SAXO1: variants seen among roughly 807,000 people sequenced by gnomAD.
The protein encoded by SAXO1 is 4930500O09Rik.
In SAXO1, 21 loss-of-function variants were observed where a neutral mutation model predicts 17.5. That is an observed-to-expected ratio of 1.20 (90% CI 0.85 to 1.72). The LOEUF (loss-of-function observed/expected upper bound fraction) is 1.72. Ranked by LOEUF, SAXO1 falls within the 40% of genes most tolerant of loss-of-function variation. The probability of loss-of-function intolerance (pLI) is 0.00; values close to 1 mark genes in which losing one functional copy is unlikely to be tolerated. For missense variants in SAXO1, 843 were observed against 596.0 expected, an observed-to-expected ratio of 1.41 and a Z score of -4.32; for synonymous variants, 274 against 216.5, an observed-to-expected ratio of 1.27 and a Z score of -2.33.
chr9:19,015,011 A>C (rs1306595504), intron 1 of SAXO1, among the ~76,000 whole-genome samples: 1 of 152,202 alleles, frequency 6.6e-6, no homozygotes, highest in Non-Finnish European at 1.5e-5. Flanking sequence ...AAGGCAAATC[A>C]GAGCTAAAAA....
intron 1 of SAXO1, among the ~76,000 whole-genome samples, chr9:18,997,530 G>T (rs1588502280): frequency 6.6e-6 from 1 of 152,248 alleles, no homozygotes; most frequent in African/African-American, 2.4e-5. Flanking sequence ...ACCTCTGGGG[G>T]CAGGGCATAT....
intron 2 of SAXO1, among the ~76,000 whole-genome samples, chr9:18,948,301 G>A (rs762365596): frequency 6.6e-6 from 1 of 152,188 alleles, no homozygotes; most frequent in Non-Finnish European, 1.5e-5. Flanking sequence ...GAACACAGAT[G>A]TCTTCTACTC....
intron 1 of SAXO1, among the ~76,000 whole-genome samples, chr9:18,975,732 G>A (rs1833121535): frequency 6.6e-6 from 1 of 152,192 alleles, no homozygotes; most frequent in Admixed American, 6.5e-5. Context: ...CAAACCCCAT[G>A]CTTTTCTCTA....
intron 1 of SAXO1, among the ~76,000 whole-genome samples, chr9:18,966,336 T>C (rs1016758807): frequency 2.6e-5 from 4 of 152,244 alleles, no homozygotes; most frequent in Non-Finnish European, 5.9e-5. Flanking sequence ...AAAAGTGTTT[T>C]CCAACTTGGT....
intron 1 of SAXO1, among the ~76,000 whole-genome samples, chr9:19,010,638 T>C (rs530671269): frequency 1.3e-5 from 2 of 152,302 alleles, no homozygotes; most frequent in Non-Finnish European, 2.9e-5. Flanking sequence ...TATAGAAATA[T>C]ATTATTTGGC....
chr9:18,986,814 G>A (rs1480985059), intron 1 of SAXO1, among the ~76,000 whole-genome samples: 1 of 152,120 alleles, frequency 6.6e-6, no homozygotes. Flanking sequence ...GACATTGTTA[G>A]GTTGTATATT....
At chr9:18,945,103 G>A (rs1200482614) in intron 2 of SAXO1, among the ~76,000 whole-genome samples, 2 of 152,108 alleles carry the variant, frequency 1.3e-5, no homozygotes, top group African/African-American at 2.4e-5. Context: ...AAGGTAAAGA[G>A]TAAAACAAGA....
chr9:18,982,893 A>C (rs1833452069), intron 1 of SAXO1, among the ~76,000 whole-genome samples: 1 of 152,206 alleles, frequency 6.6e-6, no homozygotes. Context: ...CAGGAGAAAC[A>C]AGTATTTATG....
intron 1 of SAXO1, among the ~76,000 whole-genome samples, chr9:19,046,540 TA>T (rs1196015328): frequency 1.3e-5 from 2 of 151,752 alleles, no homozygotes; most frequent in Non-Finnish European, 2.9e-5. Context: ...CCATCTCTAC[TA>T]AAAATACAAA....
Position 19,027,819 on chromosome 9 carries a change from T to C in SAXO1, c.38+5052A>G, listed in dbSNP as rs550171665. On this transcript the variant is annotated intron_variant, in intron 1 of 3. Transcript: ENST00000380534. The stretch of plus-strand genomic sequence containing the variant: ...CAGCCCAACACCCAAGTTAAGGTAA[T>C]TGCAGTCACAAACCGGGTGGACATC... 138 of 1,491,422 alleles carry C rather than the reference T, an allele frequency of 9.3e-5. No homozygotes were observed. In the African/African-American group the frequency reaches 1.3e-3, roughly 14 times the overall value. 92.4% of individuals were successfully genotyped at this position (1,491,422 alleles called of 1,614,324 possible). A position where few individuals can be genotyped will look rare whatever the true frequency, so the allele number is the denominator to read the frequency against.
intron 3 of SAXO1, among the ~76,000 whole-genome samples, chr9:18,931,253 T>A (rs1831036643): frequency 6.6e-6 from 1 of 152,238 alleles, no homozygotes. Flanking sequence ...ACATTTCATA[T>A]AAATAGAATC....
At chr9:19,027,873 G>A (rs941676032) in intron 1 of SAXO1, 1 of 1,372,654 alleles carries the variant, frequency 7.3e-7, no homozygotes, top group Non-Finnish European at 1.0e-6. Flanking sequence ...CGCTAGGGCG[G>A]CCTGGACCGC....
rs112682928 is a variant in SAXO1, at chr9:19,012,141, G to A, written c.38+20730C>T. On this transcript the variant is annotated intron_variant, in intron 1 of 3. Coordinates refer to ENST00000380534, the MANE Select transcript of SAXO1 (RefSeq NM_153707.4). The stretch of plus-strand genomic sequence containing the variant: ...TTACAGGCGTGAGCCACCACGCCCG[G>A]CAAGGATAGATTTTTTTTAATGAGA... Among the ~76,000 whole-genome samples the A allele has an allele frequency of 9.5e-4, 145 of 152,300 alleles. 1 individual carries two copies. The highest frequency in any genetic ancestry group is 3.3e-3 in the African/African-American group (139 of 41,560).
chr9:19,012,162 T>C (rs1166992570), intron 1 of SAXO1, among the ~76,000 whole-genome samples: 1 of 152,278 alleles, frequency 6.6e-6, no homozygotes, highest in Non-Finnish European at 1.5e-5. Context: ...TTTTTTTTAA[T>C]GAGAGAGGAA....
intron 1 of SAXO1, among the ~76,000 whole-genome samples, chr9:18,988,755 A>T (rs1833692404): frequency 6.6e-6 from 1 of 152,216 alleles, no homozygotes; most frequent in Admixed American, 6.5e-5. Context: ...TATATTAGTA[A>T]CCACATGTAT....
intron 2 of SAXO1, among the ~76,000 whole-genome samples, chr9:18,946,103 C>T (rs574195461): frequency 6.6e-6 from 1 of 151,902 alleles, no homozygotes; most frequent in South Asian, 2.1e-4. Context: ...ATGGAGAAAC[C>T]CCATCTCTAC....
rs1835836608 is a variant in SAXO1, at chr9:19,033,026, G to T, written c.-118C>A. ...GCTCGAGGGTCTTGGCAGGTGTTCT[G>T]TTTACTCGAAGGAAAATTTAAGTGG... On this transcript the variant is annotated 5_prime_UTR_variant, in exon 1 of 4. Coordinates refer to ENST00000380534, the MANE Select transcript of SAXO1 (RefSeq NM_153707.4). 2 of 1,096,330 alleles carry T rather than the reference G, an allele frequency of 1.8e-6. No homozygotes were observed. The highest frequency in any genetic ancestry group is 3.2e-5 in the African/African-American group (2 of 62,254). The allele number at this position is 1,096,330 out of a possible 1,614,324, so 67.9% of individuals were successfully genotyped here. A position where few individuals can be genotyped will look rare whatever the true frequency, so the allele number is the denominator to read the frequency against.
intron 1 of SAXO1, among the ~76,000 whole-genome samples, chr9:19,008,202 T>G (rs1834569540): frequency 6.6e-6 from 1 of 152,104 alleles, no homozygotes; most frequent in African/African-American, 2.4e-5. Context: ...GATCTTGAAC[T>G]CCTAAGCTCA....
intron 1 of SAXO1, among the ~76,000 whole-genome samples, chr9:19,028,308 G>A (rs548517031): frequency 3.9e-5 from 6 of 152,154 alleles, no homozygotes; most frequent in East Asian, 1.9e-4. Flanking sequence ...CCCGGGAGGC[G>A]GAGGTTGCAA....
Sources: allele counts gnomAD v4.1 joint callset (sites outside exome capture counted in the v4.1 genomes callset), GRCh38; gene constraint gnomAD v4.1.1; transcripts MANE v1.5; gene names NCBI Gene and HGNC (gene_info 2026-07-23, HGNC 2026-07-21).